Variants in SH3BGR observed in about 807,000 individuals in gnomAD.
The protein encoded by SH3BGR is SH3 domain binding glutamate rich protein.
SH3BGR carries 29 observed loss-of-function variants against 24.5 expected under a neutral mutation model. The observed-to-expected ratio is 1.18, with a 90% confidence interval of 0.88 to 1.61. SH3BGR has a LOEUF of 1.61. Among genes scored for constraint, SH3BGR ranks in the 40% most tolerant of loss-of-function variants. SH3BGR has a pLI of 0.00. For synonymous variants in SH3BGR, 55 were observed against 65.7 expected, an observed-to-expected ratio of 0.84 and a Z score of 0.79; for missense variants, 162 against 205.8, an observed-to-expected ratio of 0.79 and a Z score of 1.30.
At chr21:39,496,697 G>T (rs1351811154) in intron 3 of SH3BGR, among the ~76,000 whole-genome samples, 1 of 152,058 alleles carries the variant, frequency 6.6e-6, no homozygotes, top group African/African-American at 2.4e-5. Flanking sequence ...AAGTTAAAAT[G>T]TAAGAAGGAA....
chr21:39,454,541 C>G (rs1439260849), intron 1 of SH3BGR, among the ~76,000 whole-genome samples: 1 of 152,172 alleles, frequency 6.6e-6, no homozygotes, highest in African/African-American at 2.4e-5. Context: ...GGACCCTCCT[C>G]TCTTCCAGAA....
chr21:39,463,370 ATACT>A (rs2077787637), intron 2 of SH3BGR, among the ~76,000 whole-genome samples: 1 of 152,266 alleles, frequency 6.6e-6, no homozygotes, highest in South Asian at 2.1e-4. Context: ...TTTATAGATC[ATACT>A]TAATAAATCA....
At chr21:39,494,343 C>G (rs2078357910) in intron 3 of SH3BGR, among the ~76,000 whole-genome samples, 1 of 151,446 alleles carries the variant, frequency 6.6e-6, no homozygotes, top group Non-Finnish European at 1.5e-5. Flanking sequence ...CATCTGGTGT[C>G]ATTTTCTTTC....
intron 1 of SH3BGR, among the ~76,000 whole-genome samples, chr21:39,453,708 T>A (rs1569147406): frequency 6.6e-6 from 1 of 152,216 alleles, no homozygotes; most frequent in South Asian, 2.1e-4. Flanking sequence ...GTGCCACTTG[T>A]AACTGTATGA....
intron 2 of SH3BGR, among the ~76,000 whole-genome samples, chr21:39,471,889 C>A (rs1022086144): frequency 4.6e-5 from 7 of 152,074 alleles, no homozygotes; most frequent in East Asian, 1.9e-4. Flanking sequence ...CTTTTTGGTT[C>A]CTTTCTAAAT....
At chr21:39,486,578 GA>G (rs1195220939) in intron 3 of SH3BGR, among the ~76,000 whole-genome samples, 2 of 152,162 alleles carry the variant, frequency 1.3e-5, no homozygotes, top group East Asian at 3.9e-4. Flanking sequence ...ATTCCCAATC[GA>G]AAAACACTGT....
chr21:39,458,813 A>AT (rs1392124556), intron 1 of SH3BGR, among the ~76,000 whole-genome samples: 2 of 151,040 alleles, frequency 1.3e-5, no homozygotes, highest in Non-Finnish European at 2.9e-5. Flanking sequence ...CGCCTGGCTC[A>AT]TTTTTGTATT....
intron 3 of SH3BGR, among the ~76,000 whole-genome samples, chr21:39,479,229 G>GTGGTGGTGGTGGTGGTGGTGGTGA (rs2078080478): frequency 1.4e-5 from 2 of 142,020 alleles, no homozygotes; most frequent in African/African-American, 2.7e-5. Flanking sequence ...GGTAAGGGTG[G>GTGGTGGTGGTGGTGGTGGTGGTGA]TGGTGGTGGT....
chr21:39,513,235 G>A (rs1488792533), intron 6 of SH3BGR, among the ~76,000 whole-genome samples: 6 of 152,176 alleles, frequency 3.9e-5, no homozygotes, highest in African/African-American at 1.4e-4. Context: ...GATACCTAAA[G>A]TGACTTCACC....
chr21:39,467,215 G>T (rs538846299), intron 2 of SH3BGR, among the ~76,000 whole-genome samples: 3 of 152,138 alleles, frequency 2.0e-5, no homozygotes, highest in Admixed American at 1.3e-4. Flanking sequence ...TAAAAAAGAA[G>T]ATTTCAAAGT....
intron 1 of SH3BGR, among the ~76,000 whole-genome samples, chr21:39,446,350 C>A (rs771637053): frequency 1.3e-4 from 20 of 152,102 alleles, no homozygotes; most frequent in Non-Finnish European, 2.8e-4. Flanking sequence ...TACATTGTTT[C>A]CTTTTATTTA....
intron 3 of SH3BGR, among the ~76,000 whole-genome samples, chr21:39,482,823 C>G (rs1022542721): frequency 3.3e-5 from 5 of 152,140 alleles, no homozygotes; most frequent in African/African-American, 1.2e-4. Context: ...GTGCCCGCCA[C>G]CACGCCCAGC....
upstream of SH3BGR, among the ~76,000 whole-genome samples, chr21:39,451,021 A>G (rs778579855): frequency 6.6e-6 from 1 of 151,954 alleles, no homozygotes; most frequent in Non-Finnish European, 1.5e-5. Context: ...GTACCTCAGT[A>G]TGTTACCCAG....
chr21:39,453,617 C>A (rs762667309), intron 1 of SH3BGR, among the ~76,000 whole-genome samples: 1 of 152,140 alleles, frequency 6.6e-6, no homozygotes, highest in Non-Finnish European at 1.5e-5. Context: ...ATTTAGTTAG[C>A]TTTGGATGAC....
chr21:39,470,525 G>C (rs1031248820), intron 2 of SH3BGR, among the ~76,000 whole-genome samples: 5 of 152,182 alleles, frequency 3.3e-5, no homozygotes, highest in African/African-American at 1.2e-4. Flanking sequence ...GCCTCCCAAA[G>C]TGCTGGGATG....
chr21:39,513,362 C>G (rs2078730144), intron 6 of SH3BGR, among the ~76,000 whole-genome samples: 1 of 152,068 alleles, frequency 6.6e-6, no homozygotes, highest in African/African-American at 2.4e-5. Flanking sequence ...AATTGGCTGA[C>G]AAATAGCAAT....
At position 39,462,368 on chromosome 21, in the gene SH3BGR, T is replaced by A; in HGVS notation, c.46-7T>A. On this transcript the variant is annotated splice_region_variant and splice_polypyrimidine_tract_variant and intron_variant, in intron 1 of 6. Transcript: ENST00000333634. The stretch of plus-strand genomic sequence containing the variant: ...AAACAGCCTAATATTTCTCTACTCT[T>A]GACCAGATTAGGAAGAAACAGCAAG... The A allele has an allele frequency of 1.9e-6, 3 of 1,593,414 alleles. No individual in the cohort carries two copies. Among genetic ancestry groups the A allele is most frequent in the Non-Finnish European group, 2.6e-6 (3 of 1,174,614 alleles).
intron 1 of SH3BGR, among the ~76,000 whole-genome samples, chr21:39,455,170 T>A (rs911151863): frequency 6.6e-6 from 1 of 152,218 alleles, no homozygotes; most frequent in African/African-American, 2.4e-5. Context: ...TGCTGTCAGA[T>A]CACTCTGACA....
At chr21:39,501,587 T>C (rs1000359383) in intron 4 of SH3BGR, among the ~76,000 whole-genome samples, 18 of 152,250 alleles carry the variant, frequency 1.2e-4, no homozygotes, top group African/African-American at 4.3e-4. Flanking sequence ...TTTTCAACTC[T>C]TTAATGCCAT....
Sources: gnomAD v4.1 joint callset for allele counts (sites outside exome capture counted in the v4.1 genomes callset) on GRCh38, gnomAD v4.1.1 for gene constraint, MANE v1.5 for transcripts, NCBI Gene and HGNC (gene_info 2026-07-23, HGNC 2026-07-21) for gene names.